Variants in DNAJC5 observed in about 807,000 individuals in gnomAD.
The protein encoded by DNAJC5 is DnaJ heat shock protein family (Hsp40) member C5.
DNAJC5 carries 1 observed loss-of-function variant against 23.2 expected under a neutral mutation model. That is an observed-to-expected ratio of 0.04 (90% CI 0.02 to 0.20). DNAJC5 has a LOEUF of 0.20. Ranked by LOEUF, DNAJC5 falls within the 10% of genes least tolerant of loss-of-function variation. The pLI is 1.00. For missense variants in DNAJC5, 180 were observed against 267.0 expected, an observed-to-expected ratio of 0.67 and a Z score of 2.27; for synonymous variants, 136 against 120.0, an observed-to-expected ratio of 1.13 and a Z score of -0.87.
At chr20:63,909,591 G>A (rs928489937) in intron 1 of DNAJC5, among the ~76,000 whole-genome samples, 30 of 152,304 alleles carry the variant, frequency 2.0e-4, no homozygotes, top group Non-Finnish European at 4.0e-4. Flanking sequence ...TGAGGCAGGA[G>A]AATCACTTGA....
chr20:63,925,186 A>G (rs1475894570), intron 1 of DNAJC5, among the ~76,000 whole-genome samples: 2 of 151,732 alleles, frequency 1.3e-5, no homozygotes, highest in Non-Finnish European at 2.9e-5. Flanking sequence ...ATGACAGTGT[A>G]GAAAACCAAT....
At chr20:63,927,117 T>C (rs1464089240) in intron 1 of DNAJC5, among the ~76,000 whole-genome samples, 4 of 152,226 alleles carry the variant, frequency 2.6e-5, no homozygotes, top group Admixed American at 1.3e-4. Context: ...ACATGTGGCT[T>C]GTCTTAGTGT....
In DNAJC5 at chr20:63,917,949, G is replaced by A. The variant is rs931722184; in HGVS notation, c.-11-10386G>A. 5.3e-5 allele frequency among the ~76,000 whole-genome samples: 8 copies of A among 152,236 alleles called. No individual in the cohort carries two copies. The East Asian group carries it at 5.8e-4, about 11-fold the overall frequency. On this transcript the variant is annotated intron_variant, in intron 1 of 4. Transcript: ENST00000360864. ...CGCCTCAGTTGCTTGTTGCTGTGAC[G>A]GTCGCCCACTCCTCCTGCCAGTGTC...
intron 1 of DNAJC5, among the ~76,000 whole-genome samples, chr20:63,915,757 C>G (rs886774528): frequency 3.3e-5 from 5 of 152,224 alleles, no homozygotes; most frequent in African/African-American, 1.2e-4. Flanking sequence ...CTTGGGCACC[C>G]AGAAGTTCCA....
chr20:63,923,705 A>G (rs2053589544), intron 1 of DNAJC5, among the ~76,000 whole-genome samples: 1 of 152,224 alleles, frequency 6.6e-6, no homozygotes, highest in Non-Finnish European at 1.5e-5. Flanking sequence ...AGCCCGGGCA[A>G]TAAAGTCAGG....
chr20:63,931,860 A>G lies in DNAJC5; in HGVS notation c.*292A>G. On this transcript the variant is annotated 3_prime_UTR_variant, in exon 5 of 5. Transcript: ENST00000360864. The surrounding 1 kb of genome is among the most constrained non-coding windows in gnomAD (Gnocchi z 9.6). ...GACATTCCGCGGCATGACCGCGTGAACTGCACGGTGGAGCTGCCTCAGGGC... is the reference window on the plus strand; with the variant it reads ...GACATTCCGCGGCATGACCGCGTGAGCTGCACGGTGGAGCTGCCTCAGGGC... 2.2e-6 allele frequency: 1 copy of G among 451,466 alleles called. No individual in the cohort carries two copies. The highest frequency in any genetic ancestry group is 2.0e-5 in the South Asian group (1 of 49,036). The allele number at this position is 451,466 out of a possible 1,614,324, so 28.0% of individuals were successfully genotyped here.
At chr20:63,926,889 C>T (rs933659131) in intron 1 of DNAJC5, among the ~76,000 whole-genome samples, 1 of 152,210 alleles carries the variant, frequency 6.6e-6, no homozygotes, top group African/African-American at 2.4e-5. Context: ...GCAAAGGAGA[C>T]ATGAAATTAA....
In DNAJC5 at chr20:63,929,718, C is replaced by T. The variant is rs2053649208; in HGVS notation, c.321+193C>T. Among the ~76,000 whole-genome samples the T allele has an allele frequency of 1.3e-5, 2 of 150,532 alleles. No individual in the cohort carries two copies. The highest frequency in any genetic ancestry group is 4.2e-4 in the South Asian group (2 of 4,786). On this transcript the variant is annotated intron_variant, in intron 3 of 4. Transcript: ENST00000360864. The surrounding 1 kb of genome is among the most constrained non-coding windows in gnomAD (Gnocchi z 8.6). ...ACTCCTGCCGTGCGGGCGCCCGAGT[C>T]ACTCCTGCCGTGCGGGCACCCGAGT...
Position 63,931,262 on chromosome 20 carries a change from G to A in DNAJC5, c.494-203G>A, listed in dbSNP as rs1213549017. Reference sequence around the variant, plus strand: ...CAGGGACTGCGAGGCGGGGCAGGGCGGCAGGCAGTTGGGGCGGGGCTGAGG... The same window carrying A: ...CAGGGACTGCGAGGCGGGGCAGGGCAGCAGGCAGTTGGGGCGGGGCTGAGG... On this transcript the variant is annotated intron_variant, in intron 4 of 4. Transcript: ENST00000360864. The surrounding 1 kb of genome is among the most constrained non-coding windows in gnomAD (Gnocchi z 9.6). 5 of 781,218 alleles carry A rather than the reference G, an allele frequency of 6.4e-6. No homozygotes were observed. Among genetic ancestry groups the A allele is most frequent in the South Asian group, 1.5e-5 (1 of 67,130 alleles). The allele number at this position is 781,218 out of a possible 1,614,324, so 48.4% of individuals were successfully genotyped here.
chr20:63,895,643 G>C (rs2053369825), intron 1 of DNAJC5, among the ~76,000 whole-genome samples: 1 of 151,704 alleles, frequency 6.6e-6, no homozygotes, highest in Admixed American at 6.6e-5. Flanking sequence ...GCTCCCCCAG[G>C]TCCCCGCGGC....
chr20:63,918,626 C>T (rs1387330999), intron 1 of DNAJC5, among the ~76,000 whole-genome samples: 8 of 152,144 alleles, frequency 5.3e-5, no homozygotes, highest in East Asian at 3.9e-4. Context: ...GACGGAGTCT[C>T]GCTCTGTCAC....
Position 63,920,280 on chromosome 20 carries a change from G to A in DNAJC5, c.-11-8055G>A, listed in dbSNP as rs1231446677. On this transcript the variant is annotated intron_variant, in intron 1 of 4. Coordinates refer to ENST00000360864, the MANE Select transcript of DNAJC5 (RefSeq NM_025219.3). The surrounding 1 kb of genome is among the most constrained non-coding windows in gnomAD (Gnocchi z 4.6). The stretch of plus-strand genomic sequence containing the variant: ...AGGGTGTTGAAGAGACGGCAGGTGC[G>A]TCAGGGGCTGACGTGGGACCCGGCA... Among the ~76,000 whole-genome samples the A allele has an allele frequency of 6.6e-5, 10 of 152,258 alleles. No homozygotes were observed. Among genetic ancestry groups the A allele is most frequent in the East Asian group, 1.9e-4 (1 of 5,200 alleles).
intron 1 of DNAJC5, among the ~76,000 whole-genome samples, chr20:63,916,937 G>A (rs1024669011): frequency 6.6e-6 from 1 of 152,154 alleles, no homozygotes; most frequent in Non-Finnish European, 1.5e-5. Context: ...GTCTTCCCTT[G>A]TTCCCTGAAA....
In DNAJC5 at chr20:63,904,798, TTTTG is replaced by T. The variant is rs533769393; in HGVS notation, c.-12+9483_-12+9486del. On this transcript the variant is annotated intron_variant, in intron 1 of 4. Transcript: ENST00000360864. ...GCAGATTAATAAACTGTGGGGGTTT[TTTTG>T]TTTGTTTTTGTTTTTCTTGAGACAA... is the stretch of plus-strand genomic sequence containing the variant. 1.8e-3 allele frequency among the ~76,000 whole-genome samples: 279 copies of T among 150,890 alleles called. 1 individual carries two copies. The highest frequency in any genetic ancestry group is 5.9e-3 in the African/African-American group (243 of 41,476).
At chr20:63,924,931 C>T (rs2053599889) in intron 1 of DNAJC5, among the ~76,000 whole-genome samples, 1 of 152,230 alleles carries the variant, frequency 6.6e-6, no homozygotes, top group South Asian at 2.1e-4. Context: ...CATTCCCGAG[C>T]TCATGTACCG....
At chr20:63,915,790 A>G (rs1343183903) in intron 1 of DNAJC5, among the ~76,000 whole-genome samples, 4 of 152,246 alleles carry the variant, frequency 2.6e-5, no homozygotes, top group Admixed American at 2.6e-4. Context: ...CACCAGAAGA[A>G]TTCTTCCTCG....
At chr20:63,911,899 A>G (rs1281311040) in intron 1 of DNAJC5, among the ~76,000 whole-genome samples, 2 of 151,824 alleles carry the variant, frequency 1.3e-5, no homozygotes, top group Non-Finnish European at 1.5e-5. Context: ...AGAATGATCA[A>G]ACTTCTAGGT....
intron 1 of DNAJC5, among the ~76,000 whole-genome samples, chr20:63,902,358 C>CT (rs34309020): frequency 0.042 from 3,533 of 83,292 alleles, 150 homozygotes; most frequent in Middle Eastern, 0.049. Flanking sequence ...CTGGCCTCAT[C>CT]TTTTTTTTTT....
chr20:63,911,233 A>G (rs2053481054), intron 1 of DNAJC5, among the ~76,000 whole-genome samples: 1 of 152,200 alleles, frequency 6.6e-6, no homozygotes, highest in Admixed American at 6.5e-5. Flanking sequence ...GTAGCTAATC[A>G]TACCTTTGGA....
Sources: gnomAD v4.1 joint callset for allele counts (sites outside exome capture counted in the v4.1 genomes callset) on GRCh38, gnomAD v4.1.1 for gene constraint, Gnocchi (gnomAD v3.1) non-coding constraint, MANE v1.5 for transcripts, NCBI Gene and HGNC (gene_info 2026-07-23, HGNC 2026-07-21) for gene names.